Variants in PSEN1 observed in about 807,000 individuals in gnomAD.
PSEN1 encodes presenilin-1.
In PSEN1, 15 loss-of-function variants were observed where a neutral mutation model predicts 53.5. The observed-to-expected ratio is 0.28, with a 90% CI of 0.19 to 0.43. PSEN1 has a LOEUF of 0.43. Among genes scored for constraint, PSEN1 ranks in the 20% least tolerant of loss-of-function variants. The probability of loss-of-function intolerance (pLI) is 1.00; values close to 1 mark genes in which losing one functional copy is unlikely to be tolerated. For synonymous variants in PSEN1, 208 were observed against 209.8 expected, an observed-to-expected ratio of 0.99 and a Z score of 0.08; for missense variants, 387 against 571.2, an observed-to-expected ratio of 0.68 and a Z score of 3.29.
intron 6 of PSEN1, among the ~76,000 whole-genome samples, chr14:73,188,200 TA>T (rs66748161): frequency 0.13 from 19,251 of 152,134 alleles, 1,526 homozygotes; most frequent in African/African-American, 0.24. Flanking sequence ...GTGCTGGAAT[TA>T]ACAGGCCTGA....
chr14:73,201,587 A>T (rs2140112946), intron 8 of PSEN1, among the ~76,000 whole-genome samples: 1 of 152,238 alleles, frequency 6.6e-6, no homozygotes, highest in Admixed American at 6.5e-5. Flanking sequence ...AGTGGAAGTG[A>T]TGGTGTAGGC....
intron 5 of PSEN1, among the ~76,000 whole-genome samples, chr14:73,185,553 C>T (rs1437756763): frequency 6.6e-6 from 1 of 152,154 alleles, no homozygotes; most frequent in Non-Finnish European, 1.5e-5. Context: ...CAGTACAGTC[C>T]AGCTTCGGCT....
intron 8 of PSEN1, among the ~76,000 whole-genome samples, chr14:73,199,809 G>A (rs1475050833): frequency 1.3e-5 from 2 of 152,120 alleles, no homozygotes; most frequent in African/African-American, 4.8e-5. Flanking sequence ...GCAGTGGTGC[G>A]ATCTCGGCTC....
intron 5 of PSEN1, among the ~76,000 whole-genome samples, chr14:73,185,131 C>T (rs1195045017): frequency 1.3e-5 from 2 of 149,472 alleles, no homozygotes; most frequent in South Asian, 2.1e-4. Context: ...ACTGGGCAGC[C>T]AGGCAGAGGG....
At chr14:73,193,122 C>A (rs1355036556) in intron 7 of PSEN1, among the ~76,000 whole-genome samples, 2 of 151,912 alleles carry the variant, frequency 1.3e-5, no homozygotes, top group Non-Finnish European at 2.9e-5. Flanking sequence ...CCAGCCTGGG[C>A]AACATGGCAA....
At chr14:73,174,416 T>A (rs569280213) in intron 5 of PSEN1, among the ~76,000 whole-genome samples, 21 of 152,300 alleles carry the variant, frequency 1.4e-4, no homozygotes, top group African/African-American at 4.1e-4. Flanking sequence ...GTATTTTTAG[T>A]AGAGACAGGG....
At chr14:73,176,170 G>C (rs1223488400) in intron 5 of PSEN1, among the ~76,000 whole-genome samples, 1 of 152,240 alleles carries the variant, frequency 6.6e-6, no homozygotes, top group African/African-American at 2.4e-5. Flanking sequence ...AAGATGACAG[G>C]TATGTGTGAT....
chr14:73,149,946 A>T (rs919445702), intron 3 of PSEN1, among the ~76,000 whole-genome samples: 2 of 152,230 alleles, frequency 1.3e-5, no homozygotes, highest in African/African-American at 4.8e-5. Flanking sequence ...TAGCCTGGAA[A>T]ATAGTTTTCC....
intron 7 of PSEN1, among the ~76,000 whole-genome samples, chr14:73,194,499 G>T (rs570774605): frequency 6.6e-6 from 1 of 150,736 alleles, no homozygotes; most frequent in East Asian, 1.9e-4. Context: ...GGCCTCAAGC[G>T]ATCCTCCCAC....
chr14:73,182,309 C>T (rs1440971341), intron 5 of PSEN1, among the ~76,000 whole-genome samples: 1 of 151,186 alleles, frequency 6.6e-6, no homozygotes, highest in East Asian at 1.9e-4. Context: ...GTGAGACCCC[C>T]ACCTCTACAA....
intron 3 of PSEN1, among the ~76,000 whole-genome samples, chr14:73,148,716 T>A (rs547443814): frequency 3.9e-4 from 59 of 152,258 alleles, no homozygotes; most frequent in Admixed American, 2.1e-3. Context: ...GCAGATCACC[T>A]GAGGTTAGGA....
chr14:73,180,759 G>C (rs1898186980), intron 5 of PSEN1, among the ~76,000 whole-genome samples: 2 of 152,184 alleles, frequency 1.3e-5, no homozygotes, highest in African/African-American at 4.8e-5. Flanking sequence ...AGCTGAACTA[G>C]GGATTTTTGC....
At chr14:73,184,649 C>T (rs1462226189) in intron 5 of PSEN1, among the ~76,000 whole-genome samples, 1 of 116,490 alleles carries the variant, frequency 8.6e-6, no homozygotes, top group Non-Finnish European at 1.9e-5. Context: ...GGGGGGCTGA[C>T]CCCCCCACCT....
At chr14:73,210,807 T>G (rs1408991008) in intron 9 of PSEN1, among the ~76,000 whole-genome samples, 3 of 151,958 alleles carry the variant, frequency 2.0e-5, no homozygotes, top group Non-Finnish European at 4.4e-5. Context: ...GCAAATCTAC[T>G]TCTGCTCTGA....
At chr14:73,182,757 T>G (rs1272595349) in intron 5 of PSEN1, among the ~76,000 whole-genome samples, 1 of 152,006 alleles carries the variant, frequency 6.6e-6, no homozygotes, top group South Asian at 2.1e-4. Flanking sequence ...GAGAATTGCT[T>G]GAATCTGGGA....
chr14:73,161,726 CA>C (rs1456734713), intron 3 of PSEN1, among the ~76,000 whole-genome samples: 1 of 152,120 alleles, frequency 6.6e-6, no homozygotes, highest in African/African-American at 2.4e-5. Flanking sequence ...GTGTCCGGGT[CA>C]CACATGGCTG....
In PSEN1 at chr14:73,210,502, G is replaced by A. The variant is rs369765449; in HGVS notation, c.956-1267G>A. ...AAAACATCAAGTTATGGCACAATGAGCATGCTACTTATAATTAATTATGGA... is the reference window on the plus strand; with the variant it reads ...AAAACATCAAGTTATGGCACAATGAACATGCTACTTATAATTAATTATGGA... On this transcript the variant is annotated intron_variant, in intron 9 of 11. Transcript: ENST00000324501. 1.4e-4 allele frequency among the ~76,000 whole-genome samples: 22 copies of A among 152,284 alleles called. No homozygotes were observed. The East Asian group carries it at 3.5e-3, about 24-fold the overall frequency.
At chr14:73,170,759 AATCTGATT>A in intron 3 of PSEN1, 30 bp from the exon 4 acceptor site, 1 of 1,611,478 alleles carries the variant, frequency 6.2e-7, no homozygotes. Flanking sequence ...TTCTGCTGAG[AATCTGATT>A]TACTGAAAAT....
chr14:73,180,514 T>C (rs1013476039), intron 5 of PSEN1, among the ~76,000 whole-genome samples: 14 of 152,228 alleles, frequency 9.2e-5, no homozygotes, highest in Non-Finnish European at 1.0e-4. Flanking sequence ...GGATTTTTCA[T>C]ATCAGTGGTT....
Sources: gnomAD v4.1 joint callset for allele counts (sites outside exome capture counted in the v4.1 genomes callset) on GRCh38, gnomAD v4.1.1 for gene constraint, MANE v1.5 for transcripts, NCBI Gene and HGNC (gene_info 2026-07-23, HGNC 2026-07-21) for gene names.